ARHGEF26: variants seen among roughly 807,000 people sequenced by gnomAD.
The protein encoded by ARHGEF26 is Rho guanine nucleotide exchange factor (GEF) 26.
Under a neutral mutation model 89.4 loss-of-function variants are expected in ARHGEF26, and 59 were observed. That is an observed-to-expected ratio of 0.66 (90% confidence interval 0.54 to 0.82). The LOEUF (loss-of-function observed/expected upper bound fraction) is 0.82. Ranked by LOEUF, ARHGEF26 falls within the 40% of genes least tolerant of loss-of-function variation. The pLI, the probability that ARHGEF26 is intolerant of heterozygous loss-of-function variation, is 0.00. For synonymous variants in ARHGEF26, 500 were observed against 428.4 expected, an observed-to-expected ratio of 1.17 and a Z score of -2.06; for missense variants, 1,234 against 1,085.6, an observed-to-expected ratio of 1.14 and a Z score of -1.92.
chr3:154,239,961 G>A (rs893897943), intron 11 of ARHGEF26, among the ~76,000 whole-genome samples: 2 of 151,952 alleles, frequency 1.3e-5, no homozygotes, highest in African/African-American at 4.8e-5. Context: ...GAGATGGGGG[G>A]TTTGGGGGGT....
At chr3:154,132,578 A>G (rs946294715) in intron 4 of ARHGEF26, among the ~76,000 whole-genome samples, 1 of 152,166 alleles carries the variant, frequency 6.6e-6, no homozygotes, top group East Asian at 1.9e-4. Flanking sequence ...GGCTTCGTGC[A>G]TCATTAACAA....
chr3:154,138,130 T>C lies in ARHGEF26; in HGVS notation c.1269+8411T>C, dbSNP rs570584787. Among the ~76,000 whole-genome samples the C allele has an allele frequency of 2.2e-4, 34 of 152,344 alleles. No individual in the cohort carries two copies. The South Asian group carries it at 6.8e-3, about 31-fold the overall frequency. On this transcript the variant is annotated intron_variant, in intron 4 of 14. Coordinates refer to ENST00000465093, the MANE Select transcript of ARHGEF26 (RefSeq NM_015595.4). The stretch of plus-strand genomic sequence containing the variant: ...TAACTGCATTAATACATAGGATGGA[T>C]ATGCATTTAGCCATCTTTACTGGGG...
intron 10 of ARHGEF26, among the ~76,000 whole-genome samples, chr3:154,222,838 A>G (rs977147563): frequency 2.6e-5 from 4 of 152,190 alleles, no homozygotes; most frequent in Non-Finnish European, 5.9e-5. Flanking sequence ...GGGAGAGAAT[A>G]CTAATGAGAG....
At chr3:154,182,956 G>A (rs979609362) in intron 6 of ARHGEF26, among the ~76,000 whole-genome samples, 1 of 152,164 alleles carries the variant, frequency 6.6e-6, no homozygotes, top group African/African-American at 2.4e-5. Context: ...AATCCCTGCA[G>A]TTTTAAAAAA....
chr3:154,253,320 A>C, intron 13 of ARHGEF26, 137 bp downstream of exon 13: 1 of 911,772 alleles, frequency 1.1e-6, no homozygotes, highest in Non-Finnish European at 1.7e-6. Flanking sequence ...CTTTACACCA[A>C]AAATGTATGA....
intron 9 of ARHGEF26, among the ~76,000 whole-genome samples, chr3:154,207,844 G>A (rs1715123247): frequency 6.6e-6 from 1 of 152,136 alleles, no homozygotes; most frequent in African/African-American, 2.4e-5. Flanking sequence ...ATGGAATCCA[G>A]TTAAGTGCCC....
At chr3:154,154,631 G>A (rs565206778) in intron 6 of ARHGEF26, among the ~76,000 whole-genome samples, 86 of 151,976 alleles carry the variant, frequency 5.7e-4, no homozygotes, top group African/African-American at 2.0e-3. Flanking sequence ...ATATGCATAT[G>A]CTTATGTATA....
Position 154,256,608 on chromosome 3 carries a change from G to T in ARHGEF26, c.*1135G>T. 1 of 1,073,108 alleles carries T rather than the reference G, an allele frequency of 9.3e-7. No individual in the cohort carries two copies. The highest frequency in any genetic ancestry group is 1.1e-6 in the Non-Finnish European group (1 of 890,736). 66.5% of individuals were successfully genotyped at this position (1,073,108 alleles called of 1,614,324 possible). Reference sequence around the variant, plus strand: ...AAATGAGCTGATAAAAAACTGACGTGAGGCTGCTTTGCCTTCAATAATACC... The same window carrying T: ...AAATGAGCTGATAAAAAACTGACGTTAGGCTGCTTTGCCTTCAATAATACC... On this transcript the variant is annotated 3_prime_UTR_variant, in exon 15 of 15. Coordinates refer to ENST00000465093, the MANE Select transcript of ARHGEF26 (RefSeq NM_015595.4).
chr3:154,156,141 AAC>A (rs1720326109), intron 6 of ARHGEF26, among the ~76,000 whole-genome samples: 1 of 152,038 alleles, frequency 6.6e-6, no homozygotes, highest in African/African-American at 2.4e-5. Flanking sequence ...TAGAAAAGGA[AAC>A]ACAAGGAAAT....
chr3:154,230,505 T>C (rs1716769021), intron 11 of ARHGEF26, among the ~76,000 whole-genome samples: 1 of 152,192 alleles, frequency 6.6e-6, no homozygotes, highest in South Asian at 2.1e-4. Context: ...TTTTTGTTTG[T>C]TTGGAGAAAC....
chr3:154,255,777 A>C lies in ARHGEF26; in HGVS notation c.*304A>C. On this transcript the variant is annotated 3_prime_UTR_variant, in exon 15 of 15. Transcript: ENST00000465093. ...CCTCCTAGTTTCACCATGTTCTGGC[A>C]ATAAAAAACACATATTATATCCTGG... The C allele has an allele frequency of 1.7e-6, 2 of 1,152,148 alleles. No individual in the cohort carries two copies. Among genetic ancestry groups the C allele is most frequent in the Non-Finnish European group, 2.1e-6 (2 of 937,358 alleles). The allele number at this position is 1,152,148 out of a possible 1,614,324, so 71.4% of individuals were successfully genotyped here. A position where few individuals can be genotyped will look rare whatever the true frequency, so the allele number is the denominator to read the frequency against.
In ARHGEF26 at chr3:154,251,672, G is replaced by C. The variant is rs112927440; in HGVS notation, c.2301-1444G>C. ...TGTATCAGAGGAGCCCCCACTGGAG[G>C]AAGTGAGCCTTGTGTTTTCAGCATT... On this transcript the variant is annotated intron_variant, in intron 12 of 14. Coordinates refer to ENST00000465093, the MANE Select transcript of ARHGEF26 (RefSeq NM_015595.4). Among the ~76,000 whole-genome samples the C allele has an allele frequency of 1.7e-3, 259 of 152,290 alleles. 2 individuals are homozygous for C. Among genetic ancestry groups the C allele is most frequent in the African/African-American group, 6.0e-3 (249 of 41,558 alleles).
rs765651856 is a variant in ARHGEF26 at position 154,225,968 on chromosome 3, T to A, written c.2048T>A (p.Phe683Tyr). 1 of 1,613,308 alleles carries A rather than the reference T, an allele frequency of 6.2e-7. No homozygotes were observed. The highest frequency in any genetic ancestry group is 2.2e-5 in the East Asian group (1 of 44,814). Reference sequence around the variant, plus strand: ...AGGACATCCAAACAGCAAGTCTACTTCTTTCTCTTTAACGATGTGCTCATT... The same window carrying A: ...AGGACATCCAAACAGCAAGTCTACTACTTTCTCTTTAACGATGTGCTCATT... ...SRRTSKQQVY[F>Y]FLFNDVLIIT... Residue 683 changes from phenylalanine (F) to tyrosine (Y), a missense_variant, in exon 11 of 15, where the codon TTC becomes TAC. Physicochemically the swap from Phe to Tyr is conservative, Grantham distance 22. Transcript: ENST00000465093.
chr3:154,205,994 A>G (rs1452712292), intron 9 of ARHGEF26, among the ~76,000 whole-genome samples: 3 of 152,084 alleles, frequency 2.0e-5, no homozygotes, highest in African/African-American at 7.2e-5. Context: ...TTGTACCTTC[A>G]GGTGATTACT....
rs910833431 is a variant in ARHGEF26 at position 154,256,752 on chromosome 3, T to C, written c.*1279T>C. Reference sequence around the variant, plus strand: ...ACCAAGAAGTCAGCATGGTACCCAATTGAAACCTTTTGACCTTAGTGGGAA... The same window carrying C: ...ACCAAGAAGTCAGCATGGTACCCAACTGAAACCTTTTGACCTTAGTGGGAA... On this transcript the variant is annotated 3_prime_UTR_variant, in exon 15 of 15. Transcript: ENST00000465093. The C allele has an allele frequency of 9.1e-5, 130 of 1,426,300 alleles. No individual in the cohort carries two copies. Among genetic ancestry groups the C allele is most frequent in the Admixed American group, 4.3e-4 (15 of 35,006 alleles). The allele number at this position is 1,426,300 out of a possible 1,614,324, so 88.4% of individuals were successfully genotyped here.
chr3:154,218,096 C>A, intron 10 of ARHGEF26, 138 bp downstream of exon 10: 2 of 750,830 alleles, frequency 2.7e-6, no homozygotes, highest in Non-Finnish European at 2.1e-6. Flanking sequence ...GTAGCAGATG[C>A]TTCAGGCAAT....
intron 10 of ARHGEF26, among the ~76,000 whole-genome samples, chr3:154,219,411 G>T (rs949022304): frequency 6.6e-6 from 1 of 151,826 alleles, no homozygotes; most frequent in Non-Finnish European, 1.5e-5. Context: ...CCTGACCAAC[G>T]TGATGAAACC....
chr3:154,158,242 A>G (rs1427087891), intron 6 of ARHGEF26, among the ~76,000 whole-genome samples: 1 of 152,236 alleles, frequency 6.6e-6, no homozygotes, highest in East Asian at 1.9e-4. Context: ...GGGTTGGAAC[A>G]GAAATGAGTT....
chr3:154,242,642 A>T (rs1717539742), intron 12 of ARHGEF26, among the ~76,000 whole-genome samples: 2 of 152,144 alleles, frequency 1.3e-5, no homozygotes. Flanking sequence ...GAGACGATTG[A>T]CTCCAATTTT....
Sources: allele counts gnomAD v4.1 joint callset (sites outside exome capture counted in the v4.1 genomes callset), GRCh38; gene constraint gnomAD v4.1.1; transcripts MANE v1.5; gene names NCBI Gene and HGNC (gene_info 2026-07-23, HGNC 2026-07-21).